The following TMEM135 variants were observed in gnomAD, a reference collection of about 807,000 sequenced individuals.
TMEM135 encodes the protein peroxisomal membrane protein 52.
Under a neutral mutation model 60.3 loss-of-function variants are expected in TMEM135, and 30 were observed. The observed-to-expected ratio is 0.50, with a 90% CI of 0.37 to 0.68. The LOEUF (loss-of-function observed/expected upper bound fraction) is 0.68. Ranked by LOEUF, TMEM135 falls within the 30% of genes least tolerant of loss-of-function variation. The pLI is 0.00. For missense variants in TMEM135, 468 were observed against 548.8 expected, an observed-to-expected ratio of 0.85 and a Z score of 1.47; for synonymous variants, 190 against 186.7, an observed-to-expected ratio of 1.02 and a Z score of -0.14.
At chr11:87,300,612 T>TA (rs1460383497) in intron 7 of TMEM135, among the ~76,000 whole-genome samples, 1 of 152,254 alleles carries the variant, frequency 6.6e-6, no homozygotes, top group Non-Finnish European at 1.5e-5. Context: ...GTGCCTGTCG[T>TA]ATAAGATATG....
intron 3 of TMEM135, among the ~76,000 whole-genome samples, chr11:87,074,331 CATAGTA>C (rs1186761722): frequency 6.6e-6 from 1 of 152,132 alleles, no homozygotes; most frequent in Non-Finnish European, 1.5e-5. Context: ...GTGCCTGACA[CATAGTA>C]AGAGTTATAT....
intron 6 of TMEM135, among the ~76,000 whole-genome samples, chr11:87,278,340 T>G (rs972735074): frequency 1.3e-5 from 2 of 152,226 alleles, no homozygotes; most frequent in South Asian, 4.1e-4. Context: ...TATATAATTT[T>G]TTACCTCTAG....
At chr11:87,224,602 A>G (rs1940726607) in intron 5 of TMEM135, among the ~76,000 whole-genome samples, 1 of 152,078 alleles carries the variant, frequency 6.6e-6, no homozygotes, top group Non-Finnish European at 1.5e-5. Flanking sequence ...GAAAATACTG[A>G]ACTTACTACA....
At chr11:87,098,221 C>A (rs1158942006) in intron 4 of TMEM135, among the ~76,000 whole-genome samples, 1 of 151,560 alleles carries the variant, frequency 6.6e-6, no homozygotes, top group African/African-American at 2.4e-5. Flanking sequence ...GTAAGCTTAG[C>A]GTTCCAATAA....
At chr11:87,288,889 C>T (rs886842437) in intron 6 of TMEM135, among the ~76,000 whole-genome samples, 1 of 151,978 alleles carries the variant, frequency 6.6e-6, no homozygotes, top group Non-Finnish European at 1.5e-5. Flanking sequence ...ACTTGGGAGG[C>T]CGAGGTGGGA....
rs776341194 is a variant in TMEM135, at chr11:87,325,979, A to G, written c.*4646A>G. On this transcript the variant is annotated 3_prime_UTR_variant, in exon 15 of 15. Transcript: ENST00000305494. Reference sequence around the variant, plus strand: ...TCCCAGCAGACCTGAAAATCCCAGTATATTACCACAGACACACATACCATC... The same window carrying G: ...TCCCAGCAGACCTGAAAATCCCAGTGTATTACCACAGACACACATACCATC... The G allele has an allele frequency of 3.7e-4, 169 of 453,966 alleles. No homozygotes were observed. Among genetic ancestry groups the G allele is most frequent in the Admixed American group, 8.2e-4 (35 of 42,550 alleles). 28.1% of individuals were successfully genotyped at this position (453,966 alleles called of 1,614,324 possible).
intron 1 of TMEM135, among the ~76,000 whole-genome samples, chr11:87,059,195 C>G (rs1175149143): frequency 6.6e-6 from 1 of 152,018 alleles, no homozygotes; most frequent in African/African-American, 2.4e-5. Context: ...CCTCGGCCTC[C>G]CAAAGTGCTG....
chr11:87,325,335 A>G lies in TMEM135; in HGVS notation c.*4002A>G. On this transcript the variant is annotated 3_prime_UTR_variant, in exon 15 of 15. Transcript: ENST00000305494. ...ATGATATAGCTAGTGTCATAGGACTACAGCAGAGTAGTGAGTGAATGGCCT... is the reference window on the plus strand; with the variant it reads ...ATGATATAGCTAGTGTCATAGGACTGCAGCAGAGTAGTGAGTGAATGGCCT... The G allele has an allele frequency of 2.2e-6, 1 of 454,134 alleles. No homozygotes were observed. Among genetic ancestry groups the G allele is most frequent in the Non-Finnish European group, 4.4e-6 (1 of 226,790 alleles). 28.1% of individuals were successfully genotyped at this position (454,134 alleles called of 1,614,324 possible).
At chr11:87,159,739 A>T (rs1938816028) in intron 5 of TMEM135, among the ~76,000 whole-genome samples, 1 of 152,098 alleles carries the variant, frequency 6.6e-6, no homozygotes, top group African/African-American at 2.4e-5. Flanking sequence ...AAAAGGAAAA[A>T]GTCTGGGAGA....
chr11:87,158,933 T>G (rs1671835325), intron 5 of TMEM135, among the ~76,000 whole-genome samples: 1 of 152,196 alleles, frequency 6.6e-6, no homozygotes, highest in Non-Finnish European at 1.5e-5. Context: ...GAATTTCAGA[T>G]TTTAGTAATT....
At chr11:87,120,099 G>A (rs1591033919) in intron 4 of TMEM135, among the ~76,000 whole-genome samples, 2 of 101,180 alleles carry the variant, frequency 2.0e-5, no homozygotes, top group African/African-American at 3.6e-5. Flanking sequence ...TTATTAGTCT[G>A]TTTTTTTCTT....
At chr11:87,286,512 G>C (rs1172804686) in intron 6 of TMEM135, among the ~76,000 whole-genome samples, 1 of 152,248 alleles carries the variant, frequency 6.6e-6, no homozygotes, top group African/African-American at 2.4e-5. Flanking sequence ...GTCCCGTGCT[G>C]CGCGCCTGCA....
chr11:87,136,435 C>T (rs1345664200), intron 4 of TMEM135, among the ~76,000 whole-genome samples: 2 of 151,914 alleles, frequency 1.3e-5, no homozygotes, highest in Non-Finnish European at 1.5e-5. Flanking sequence ...TAACTATGCC[C>T]GTGGGGGATA....
In TMEM135 at chr11:87,328,610, C is replaced by T. The variant is rs115255483; in HGVS notation, c.*7277C>T. The T allele has an allele frequency of 1.6e-3, 741 of 453,974 alleles. 3 individuals are homozygous for T. Among genetic ancestry groups the T allele is most frequent in the African/African-American group, 0.013 (647 of 50,076 alleles). 28.1% of individuals were successfully genotyped at this position (453,974 alleles called of 1,614,324 possible). ...ACATACAGAATTTGATTTTCTATTC[C>T]GGAGTTACTTTACTTAGAATAATGG... On this transcript the variant is annotated 3_prime_UTR_variant, in exon 15 of 15. Transcript: ENST00000305494.
At chr11:87,140,180 G>T (rs546648084) in intron 4 of TMEM135, among the ~76,000 whole-genome samples, 1 of 152,004 alleles carries the variant, frequency 6.6e-6, no homozygotes, top group South Asian at 2.1e-4. Flanking sequence ...CAATTCTCCC[G>T]CCTCAGCCTC....
chr11:87,277,831 C>T (rs1941995924), intron 6 of TMEM135, among the ~76,000 whole-genome samples: 1 of 152,168 alleles, frequency 6.6e-6, no homozygotes, highest in South Asian at 2.1e-4. Context: ...CAACTCTTAA[C>T]ATAAAATGTT....
chr11:87,067,234 T>A (rs2445588), intron 1 of TMEM135, among the ~76,000 whole-genome samples: 80,055 of 147,034 alleles, frequency 0.54, 22,595 homozygotes, highest in East Asian at 0.83. Context: ...ATATATATAT[T>A]TTTTTTTCTT....
chr11:87,226,080 A>G (rs917141065), intron 5 of TMEM135, among the ~76,000 whole-genome samples: 1 of 151,994 alleles, frequency 6.6e-6, no homozygotes, highest in Admixed American at 6.6e-5. Flanking sequence ...TTTGAATTGC[A>G]TTTTTAATTA....
chr11:87,270,046 G>T (rs535367054), intron 6 of TMEM135, among the ~76,000 whole-genome samples: 17 of 134,136 alleles, frequency 1.3e-4, no homozygotes, highest in African/African-American at 4.2e-4. Context: ...TCTAACTGGT[G>T]TGAGATGGTA....
Sources: allele counts gnomAD v4.1 joint callset (sites outside exome capture counted in the v4.1 genomes callset), GRCh38; gene constraint gnomAD v4.1.1; transcripts MANE v1.5; gene names NCBI Gene and HGNC (gene_info 2026-07-23, HGNC 2026-07-21).